F7: variants seen among roughly 807,000 people sequenced by gnomAD.
F7 encodes the protein coagulation factor VII.
A neutral mutation model predicts 47.5 loss-of-function variants in F7; 38 were observed. That is an observed-to-expected ratio of 0.80 (90% confidence interval 0.62 to 1.05). The LOEUF (loss-of-function observed/expected upper bound fraction) is 1.05, where lower values mean the gene tolerates loss of function less well. Ranked by LOEUF, F7 falls within the 50% of genes least tolerant of loss-of-function variation. F7 has a pLI of 0.00. For missense variants in F7, 575 were observed against 605.4 expected (o/e 0.95, Z 0.53); for synonymous variants, 244 against 258.5 (o/e 0.94, Z 0.54).
At position 113,113,150 on chromosome 13, in the gene F7, C is replaced by G. The variant is rs1218918312; in HGVS notation, c.226-602C>G. On this transcript the variant is annotated intron_variant, in intron 2 of 7. Coordinates refer to ENST00000346342, the MANE Select transcript of F7 (RefSeq NM_019616.4). The surrounding 1 kb of genome is among the most constrained non-coding windows in gnomAD (Gnocchi z 4.1). The stretch of plus-strand genomic sequence containing the variant: ...AAGACACCTCACACTCAGGACACCT[C>G]ATGCTCAAAGAAGCCTCACACTCAC... Among the ~76,000 whole-genome samples, 2 of 152,060 alleles carry G rather than the reference C, an allele frequency of 1.3e-5. No homozygotes were observed. Among genetic ancestry groups the G allele is most frequent in the Non-Finnish European group, 1.5e-5 (1 of 68,004 alleles).
intron 4 of F7, 120 bp downstream of exon 4, chr13:113,114,080 G>A (rs1280532990): frequency 2.9e-6 from 3 of 1,045,786 alleles, no homozygotes; most frequent in Non-Finnish European, 4.3e-6. Context: ...GGCATTCAGG[G>A]CTCAGCCCCA....
In F7 at chr13:113,117,798, CCT is replaced by C. The variant is rs373226005; in HGVS notation, c.739+203_739+204del. Among the ~76,000 whole-genome samples, 32 of 152,282 alleles carry C rather than the reference CCT, an allele frequency of 2.1e-4. No homozygotes were observed. The East Asian group carries it at 5.6e-3, about 27-fold the overall frequency. On this transcript the variant is annotated intron_variant, in intron 7 of 7. Transcript: ENST00000346342. Reference sequence around the variant, plus strand: ...CGGTGCTGGGTGGGTACCACTCTCCCCTGTCTGACCGCAGCTCTCAAGTGTCT... The same window carrying C: ...CGGTGCTGGGTGGGTACCACTCTCCCGTCTGACCGCAGCTCTCAAGTGTCT...
rs1267660719 is a variant in F7, at chr13:113,118,563, T to C, written c.890T>C (p.Val297Ala). Reference sequence around the variant, plus strand: ...CCCGTGGTCCTCACTGACCATGTGGTGCCCCTCTGCCTGCCCGAACGGACG... The same window carrying C: ...CCCGTGGTCCTCACTGACCATGTGGCGCCCCTCTGCCTGCCCGAACGGACG... ...HQPVVLTDHV[V>A]PLCLPERTFS... The change falls in exon 8 of 8, where the codon GTG becomes GCG. Residue 297 changes from valine to alanine, a missense_variant. Val to Ala is a moderately conservative substitution (Grantham distance 64, BLOSUM62 0). Transcript: ENST00000346342. The C allele has an allele frequency of 5.0e-6, 8 of 1,612,486 alleles. No homozygotes were observed. The highest frequency in any genetic ancestry group is 6.8e-6 in the Non-Finnish European group (8 of 1,179,804).
At chr13:113,106,740 G>C (rs1226339614) in intron 1 of F7, 1 of 1,096,176 alleles carries the variant, frequency 9.1e-7, no homozygotes, top group Non-Finnish European at 1.4e-6. Context: ...TGGCGTGTGG[G>C]GATGGCGAGT....
intron 1 of F7, among the ~76,000 whole-genome samples, chr13:113,108,688 T>C (rs2036021804): frequency 9.9e-6 from 1 of 101,176 alleles, no homozygotes; most frequent in Non-Finnish European, 1.9e-5. Context: ...ATCCCAGAAG[T>C]GTGAGTGTCC....
intron 2 of F7, among the ~76,000 whole-genome samples, chr13:113,111,223 G>C (rs1320269158): frequency 1.3e-5 from 2 of 152,202 alleles, no homozygotes; most frequent in Non-Finnish European, 2.9e-5. Flanking sequence ...AAGGGACGTG[G>C]TGAGAAGCTG....
chr13:113,110,729 G>A lies in F7; in HGVS notation c.104G>A (p.Arg35Gln). 2.6e-6 allele frequency: 4 copies of A among 1,548,848 alleles called. No individual in the cohort carries two copies. The highest frequency in any genetic ancestry group is 2.4e-5 in the South Asian group (2 of 83,988). ...GAGGAAGCCCACGGCGTCCTGCACC[G>A]GCGCCGGCGCGCCAACGCGTTCCTG... The part of the protein sequence containing the change: ...TQEEAHGVLH[R>Q]RRRANAFLEE... The change falls in exon 2 of 8, where the codon CGG becomes CAG. Residue 35 changes from arginine to glutamine, a missense_variant. Arg to Gln is a conservative substitution (Grantham distance 43). Transcript: ENST00000346342.
rs1184137229 is a variant in F7 at position 113,117,581 on chromosome 13, C to G, written c.724C>G (p.Leu242Val). The change falls in exon 7 of 8, where the codon CTG becomes GTG. Residue 242 changes from leucine to valine, a missense_variant. By Grantham distance (32) the Leu-to-Val change is conservative. Coordinates refer to ENST00000346342, the MANE Select transcript of F7 (RefSeq NM_019616.4). ...CFDKIKNWRN[L>V]IAVLGEHDLS... ...CGACAAAATCAAGAACTGGAGGAACCTGATCGCGGTGCTGGGTGGGTACCA... is the reference window on the plus strand; with the variant it reads ...CGACAAAATCAAGAACTGGAGGAACGTGATCGCGGTGCTGGGTGGGTACCA... 7.4e-6 allele frequency: 12 copies of G among 1,613,970 alleles called. No individual in the cohort carries two copies. The South Asian group carries it at 1.3e-4, about 18-fold the overall frequency.
At chr13:113,112,840 G>A (rs887045019) in intron 2 of F7, among the ~76,000 whole-genome samples, 3 of 146,766 alleles carry the variant, frequency 2.0e-5, no homozygotes, top group Admixed American at 6.8e-5. Context: ...CACACTCACA[G>A]GTCACCTTAC....
rs999179912 is a variant in F7, at chr13:113,117,441, G to A, written c.616-32G>A. ...TCATCAGAGAAACAATGACAGCAATGTGACTTCCACACCTCCTGTCCCCCC... is the reference window on the plus strand; with the variant it reads ...TCATCAGAGAAACAATGACAGCAATATGACTTCCACACCTCCTGTCCCCCC... On this transcript the variant is annotated intron_variant, in intron 6 of 7. Coordinates refer to ENST00000346342, the MANE Select transcript of F7 (RefSeq NM_019616.4). 2.5e-6 allele frequency: 4 copies of A among 1,611,474 alleles called. No individual in the cohort carries two copies. In the African/African-American group the frequency reaches 5.3e-5, roughly 22 times the overall value.
In F7 at chr13:113,118,421, G is replaced by C; in HGVS notation, c.748G>C (p.Asp250His). Residue 250 changes from aspartate to histidine, a missense_variant, in exon 8 of 8, where the codon GAC (aspartate) becomes CAC (histidine). By Grantham distance (81) the Asp-to-His change is moderately conservative. Coordinates refer to ENST00000346342, the MANE Select transcript of F7 (RefSeq NM_019616.4). Reference protein sequence around the residue: ...RNLIAVLGEHDLSEHDGDEQS... With the variant: ...RNLIAVLGEHHLSEHDGDEQS... ...GGGCTTCTTCCTTCCAGGCGAGCAC[G>C]ACCTCAGCGAGCACGACGGGGATGA... is the stretch of plus-strand genomic sequence containing the variant. 1.3e-6 allele frequency: 2 copies of C among 1,594,454 alleles called. No individual in the cohort carries two copies. The highest frequency in any genetic ancestry group is 1.7e-6 in the Non-Finnish European group (2 of 1,170,456).
chr13:113,118,729 A>G lies in F7; in HGVS notation c.1056A>G (p.Ser352=), dbSNP rs1454617219. The G allele has an allele frequency of 2.1e-5, 34 of 1,613,116 alleles. No homozygotes were observed. Among genetic ancestry groups the G allele is most frequent in the Non-Finnish European group, 2.6e-5 (31 of 1,179,952 alleles). The change falls in exon 8 of 8, where the codon TCA becomes TCG. Residue 352 remains serine, a synonymous_variant. Coordinates refer to ENST00000346342, the MANE Select transcript of F7 (RefSeq NM_019616.4). ...RLMTQDCLQQ[S]RKVGDSPNIT... ...TGACCCAGGACTGCCTGCAGCAGTC[A>G]CGGAAGGTGGGAGACTCCCCAAATA...
At chr13:113,116,709 A>T in intron 5 of F7, 57 bp from the exon 6 acceptor site, 1 of 1,321,366 alleles carries the variant, frequency 7.6e-7, no homozygotes, top group Non-Finnish European at 1.1e-6. Flanking sequence ...AATCTTTCCT[A>T]GTGGCACGTT....
intron 7 of F7, among the ~76,000 whole-genome samples, chr13:113,117,903 G>A (rs560159558): frequency 1.1e-3 from 173 of 152,356 alleles, no homozygotes; most frequent in African/African-American, 3.8e-3. Context: ...CAACCATGCT[G>A]GGCACGACTG....
Position 113,113,490 on chromosome 13 carries a change from G to A in F7, c.226-262G>A, listed in dbSNP as rs1269525029. Among the ~76,000 whole-genome samples, 4 of 152,324 alleles carry A rather than the reference G, an allele frequency of 2.6e-5. No homozygotes were observed. The highest frequency in any genetic ancestry group is 4.8e-5 in the African/African-American group (2 of 41,568). ...CCTCGTCCCAGGTCCACAGCTCAGC[G>A]ACAGAAGAGTCAGGGTTGAACCTCG... On this transcript the variant is annotated intron_variant, in intron 2 of 7. Transcript: ENST00000346342. This position sits in a 1 kb window ranked among gnomAD's most constrained non-coding sequence, Gnocchi z 4.1.
Position 113,112,688 on chromosome 13 carries a change from C to A in F7, c.226-1064C>A, listed in dbSNP as rs192364702. 4.1e-4 allele frequency among the ~76,000 whole-genome samples: 60 copies of A among 145,650 alleles called. 1 individual carries two copies. Among genetic ancestry groups the A allele is most frequent in the African/African-American group, 1.4e-3 (56 of 39,076 alleles). On this transcript the variant is annotated intron_variant, in intron 2 of 7. Transcript: ENST00000346342. The stretch of plus-strand genomic sequence containing the variant: ...CCTCACAGAGGTCACCTCACACCCA[C>A]AGGACAACTCACAGAGGTCACCTCA...
chr13:113,109,777 G>A (rs1237937815), intron 1 of F7, among the ~76,000 whole-genome samples: 1 of 152,146 alleles, frequency 6.6e-6, no homozygotes, highest in African/African-American at 2.4e-5. Flanking sequence ...GGGCAGCACG[G>A]CCGCCCCGGG....
At chr13:113,109,209 C>T (rs1435609711) in intron 1 of F7, among the ~76,000 whole-genome samples, 1 of 148,186 alleles carries the variant, frequency 6.7e-6, no homozygotes, top group Non-Finnish European at 1.5e-5. Flanking sequence ...CGTGGGTGTC[C>T]GGGGGGCGTG....
Position 113,115,731 on chromosome 13 carries a change from A to C in F7, c.436A>C (p.Thr146Pro). 1 of 1,613,080 alleles carries C rather than the reference A, an allele frequency of 6.2e-7. No homozygotes were observed. Among genetic ancestry groups the C allele is most frequent in the Non-Finnish European group, 8.5e-7 (1 of 1,180,006 alleles). ...GCAGTACTGCAGTGACCACACGGGC[A>C]CCAAGCGCTCCTGTCGGTGCCACGA... is the stretch of plus-strand genomic sequence containing the variant. Reference protein sequence around the residue: ...CEQYCSDHTGTKRSCRCHEGY... With the variant: ...CEQYCSDHTGPKRSCRCHEGY... The change falls in exon 5 of 8, where the codon ACC (threonine) becomes CCC (proline). Residue 146 changes from threonine (T) to proline (P), a missense_variant. Transcript: ENST00000346342.
Sources: allele counts gnomAD v4.1 joint callset (sites outside exome capture counted in the v4.1 genomes callset), GRCh38; gene constraint gnomAD v4.1.1; non-coding constraint Gnocchi (gnomAD v3.1); transcripts MANE v1.5; gene names NCBI Gene and HGNC (gene_info 2026-07-23, HGNC 2026-07-21).